The following TSPAN9 variants were observed in gnomAD, a reference collection of about 807,000 sequenced individuals.
TSPAN9 encodes the protein tetraspanin-9.
In TSPAN9, 16 loss-of-function variants were observed where a neutral mutation model predicts 31.0. The ratio of observed to expected loss-of-function variants is 0.52; its 90% CI spans 0.35 to 0.78. The LOEUF (loss-of-function observed/expected upper bound fraction) is 0.78. TSPAN9 is among the 30% of genes least tolerant of loss of function. The pLI is 0.01. For missense variants in TSPAN9, 272 were observed against 312.5 expected, an observed-to-expected ratio of 0.87 and a Z score of 0.98; for synonymous variants, 145 against 121.6, an observed-to-expected ratio of 1.19 and a Z score of -1.27.
At chr12:3,266,097 C>T (rs1053087657) in intron 3 of TSPAN9, among the ~76,000 whole-genome samples, 4 of 152,318 alleles carry the variant, frequency 2.6e-5, no homozygotes, top group Admixed American at 1.3e-4. Flanking sequence ...AGGAGCACTC[C>T]AGGCCCAGAG....
At position 3,286,322 on chromosome 12, in the gene TSPAN9, C is replaced by T. The variant is rs1054657379; in HGVS notation, c.*3206C>T. On this transcript the variant is annotated 3_prime_UTR_variant, in exon 9 of 9. Coordinates refer to ENST00000011898, the MANE Select transcript of TSPAN9 (RefSeq NM_006675.5). The surrounding 1 kb of genome is among the most constrained non-coding windows in gnomAD (Gnocchi z 4.1). ...ATAGTCCAGGGTGGGGCCTGGCCTC[C>T]CTGCCCTGATTGGGGACTCAGGAGG... 4.6e-5 allele frequency: 7 copies of T among 152,738 alleles called. No individual in the cohort carries two copies. Among genetic ancestry groups the T allele is most frequent in the East Asian group, 3.9e-4 (2 of 5,152 alleles). The allele number at this position is 152,738 out of a possible 1,614,324, so 9.5% of individuals were successfully genotyped here.
At chr12:3,242,934 C>T (rs1238198036) in intron 3 of TSPAN9, among the ~76,000 whole-genome samples, 1 of 152,206 alleles carries the variant, frequency 6.6e-6, no homozygotes, top group African/African-American at 2.4e-5. Context: ...GATGTGTGGG[C>T]CTGTCATAGA....
At chr12:3,110,763 A>G (rs1201815259) in intron 2 of TSPAN9, among the ~76,000 whole-genome samples, 1 of 152,204 alleles carries the variant, frequency 6.6e-6, no homozygotes, top group Admixed American at 6.5e-5. Context: ...TGTGCCAGTC[A>G]TTTACTGTAA....
intron 2 of TSPAN9, among the ~76,000 whole-genome samples, chr12:3,190,469 T>C (rs2098363763): frequency 6.6e-6 from 1 of 152,244 alleles, no homozygotes; most frequent in African/African-American, 2.4e-5. Flanking sequence ...TGTGCATATG[T>C]GTATGGGCAG....
At chr12:3,282,293 C>T (rs530513800) in intron 8 of TSPAN9, among the ~76,000 whole-genome samples, 7 of 152,322 alleles carry the variant, frequency 4.6e-5, no homozygotes, top group South Asian at 2.1e-4. Context: ...CGAGTAGTGA[C>T]GTGGTCCTGA....
chr12:3,156,226 A>G (rs796836130), intron 2 of TSPAN9, among the ~76,000 whole-genome samples: 6 of 152,210 alleles, frequency 3.9e-5, no homozygotes, highest in South Asian at 2.1e-4. Context: ...GGAAGGGAAA[A>G]TGGTACTGAA....
intron 3 of TSPAN9, among the ~76,000 whole-genome samples, chr12:3,245,027 C>T (rs1011803507): frequency 5.3e-5 from 8 of 152,178 alleles, no homozygotes; most frequent in Non-Finnish European, 1.0e-4. Context: ...CTGTAGCAGC[C>T]CAGCCTATCT....
intron 3 of TSPAN9, among the ~76,000 whole-genome samples, chr12:3,262,155 G>A (rs989476218): frequency 8.5e-5 from 13 of 152,248 alleles, no homozygotes; most frequent in African/African-American, 3.1e-4. Context: ...CACGTGGATG[G>A]CAGTGGCACT....
intron 3 of TSPAN9, among the ~76,000 whole-genome samples, chr12:3,220,259 C>G (rs570650483): frequency 6.6e-6 from 1 of 152,328 alleles, no homozygotes; most frequent in South Asian, 2.1e-4. Context: ...GTGGCCCAGG[C>G]TCTGAACCTG....
intron 3 of TSPAN9, among the ~76,000 whole-genome samples, chr12:3,271,544 GAA>G (rs10709802): frequency 0.073 from 10,528 of 143,434 alleles, 472 homozygotes; most frequent in Non-Finnish European, 0.097. Flanking sequence ...GAGGTATGCA[GAA>G]AAAAAAAAAA....
chr12:3,278,459 C>G lies in TSPAN9; in HGVS notation c.102C>G (p.Leu34=). The change falls in exon 4 of 9, where the codon CTC becomes CTG. Residue 34 remains leucine (L), a synonymous_variant. Coordinates refer to ENST00000011898, the MANE Select transcript of TSPAN9 (RefSeq NM_006675.5). ...GGCTGCTGGGAGTGGGCATCTGGCT[C>G]TCCGTGTCCCAAGGCAACTTTGCCA... The part of the protein sequence containing the change: ...GCGLLGVGIW[L]SVSQGNFATF... 2.5e-6 allele frequency: 4 copies of G among 1,614,102 alleles called. No individual in the cohort carries two copies. The highest frequency in any genetic ancestry group is 3.4e-6 in the Non-Finnish European group (4 of 1,180,036).
In TSPAN9 at chr12:3,201,210, T is replaced by A; in HGVS notation, c.17T>A (p.Leu6His). 6.2e-7 allele frequency: 1 copy of A among 1,614,160 alleles called. No individual in the cohort carries two copies. The highest frequency in any genetic ancestry group is 2.2e-5 in the East Asian group (1 of 44,872). MARGC[L>H]CCLKYMMFLF... ...AAGTGCAACATGGCCAGGGGCTGCC[T>A]CTGCTGCTTGAAGTACATGATGTTC... Residue 6 changes from leucine to histidine, a missense_variant, in exon 3 of 9, where the codon CTC (leucine) becomes CAC (histidine). Physicochemically the swap from Leu to His is moderately conservative, Grantham distance 99 (BLOSUM62 -3). Coordinates refer to ENST00000011898, the MANE Select transcript of TSPAN9 (RefSeq NM_006675.5).
Position 3,221,846 on chromosome 12 carries a change from G to A in TSPAN9, c.63+20590G>A, listed in dbSNP as rs188307292. Among the ~76,000 whole-genome samples, 1,504 of 152,086 alleles carry A rather than the reference G, an allele frequency of 9.9e-3. 12 individuals are homozygous for A. Among genetic ancestry groups the A allele is most frequent in the Middle Eastern group, 0.041 (12 of 290 alleles). ...AATTTTTAAATTTTTTGTAGAGATA[G>A]GGTCTCCCTGTGTTGCTTAGGCTGG... On this transcript the variant is annotated intron_variant, in intron 3 of 8. Transcript: ENST00000011898.
At chr12:3,162,646 T>G (rs58645907) in intron 2 of TSPAN9, among the ~76,000 whole-genome samples, 4,238 of 151,702 alleles carry the variant, frequency 0.028, 204 homozygotes, top group African/African-American at 0.097. Context: ...AATTTTCAGC[T>G]TTTTGGCTCC....
At chr12:3,091,178 G>A (rs560918562) in intron 2 of TSPAN9, among the ~76,000 whole-genome samples, 5 of 152,310 alleles carry the variant, frequency 3.3e-5, no homozygotes, top group African/African-American at 1.2e-4. Flanking sequence ...AGGCCCAGGC[G>A]TCTGCTGGGA....
At chr12:3,233,617 T>C (rs76797735) in intron 3 of TSPAN9, among the ~76,000 whole-genome samples, 33 of 152,372 alleles carry the variant, frequency 2.2e-4, no homozygotes, top group African/African-American at 7.7e-4. Flanking sequence ...TTTGTACTTG[T>C]AGTTCATTCA....
intron 2 of TSPAN9, 112 bp downstream of exon 2, chr12:3,083,831 T>C (rs1435582759): frequency 2.0e-5 from 3 of 152,334 alleles, no homozygotes; most frequent in African/African-American, 7.2e-5. Context: ...TTGGGCAGGA[T>C]AGAAGAGGAT....
At chr12:3,109,151 T>C (rs1057149783) in intron 2 of TSPAN9, among the ~76,000 whole-genome samples, 2 of 151,892 alleles carry the variant, frequency 1.3e-5, no homozygotes, top group Admixed American at 6.6e-5. Context: ...TTAGCCAGGA[T>C]GGTCTCGATC....
intron 3 of TSPAN9, among the ~76,000 whole-genome samples, chr12:3,245,802 G>A (rs1862113651): frequency 6.6e-6 from 1 of 152,140 alleles, no homozygotes; most frequent in African/African-American, 2.4e-5. Flanking sequence ...TTGGTAACTG[G>A]TGGAGGTCTC....
Sources: gnomAD v4.1 joint callset for allele counts (sites outside exome capture counted in the v4.1 genomes callset) on GRCh38, gnomAD v4.1.1 for gene constraint, Gnocchi (gnomAD v3.1) non-coding constraint, MANE v1.5 for transcripts, NCBI Gene and HGNC (gene_info 2026-07-23, HGNC 2026-07-21) for gene names.